The following SMARCA4 variants were observed in gnomAD, a reference collection of about 807,000 sequenced individuals.
SMARCA4 encodes the protein SWI/SNF-related matrix-associated actin-dependent regulator of chromatin subfamily A member 4.
Under a neutral mutation model 193.9 loss-of-function variants are expected in SMARCA4, and 31 were observed. The observed-to-expected ratio is 0.16, with a 90% CI of 0.12 to 0.22. The LOEUF is 0.22. Among genes scored for constraint, SMARCA4 ranks in the 10% least tolerant of loss-of-function variants. SMARCA4 has a pLI of 1.00. For synonymous variants in SMARCA4, 942 were observed against 933.1 expected (o/e 1.01, Z -0.17); for missense variants, 1,148 against 2,296.0 (o/e 0.50, Z 10.22).
At position 11,019,779 on chromosome 19, in the gene SMARCA4, GC is replaced by G. The variant is rs1438055403; in HGVS notation, c.2616+82del. 5.0e-6 allele frequency: 5 copies of G among 996,374 alleles called. No individual in the cohort carries two copies. The highest frequency in any genetic ancestry group is 4.7e-6 in the Non-Finnish European group (3 of 637,164). The allele number at this position is 996,374 out of a possible 1,614,324, so 61.7% of individuals were successfully genotyped here. A position where few individuals can be genotyped will look rare whatever the true frequency, so the allele number is the denominator to read the frequency against. On this transcript the variant is annotated intron_variant, in intron 18 of 34. Coordinates refer to ENST00000344626, the MANE Select transcript of SMARCA4 (RefSeq NM_003072.5). This position sits in a 1 kb window ranked among gnomAD's most constrained non-coding sequence, Gnocchi z 6.1. ...GGTCACGCTGCCCGTCTCCTCCAAAGCCCCTACAAGTTTCTTCCCGGAGTCC... is the reference window on the plus strand; with the variant it reads ...GGTCACGCTGCCCGTCTCCTCCAAAGCCCTACAAGTTTCTTCCCGGAGTCC...
chr19:11,008,197 A>ATT, intron 14 of SMARCA4, 174 bp downstream of exon 14: 1 of 657,402 alleles, frequency 1.5e-6, no homozygotes, highest in Non-Finnish European at 2.7e-6. Context: ...TTTTATAGGG[A>ATT]TTTAATAGAG....
At chr19:10,997,303 A>G (rs1480907986) in intron 11 of SMARCA4, among the ~76,000 whole-genome samples, 8 of 152,090 alleles carry the variant, frequency 5.3e-5, no homozygotes, top group Non-Finnish European at 1.0e-4. Context: ...GGTTCACGCC[A>G]TTCTCCTGCC....
chr19:11,036,688 A>G (rs2075289964), intron 29 of SMARCA4, among the ~76,000 whole-genome samples: 1 of 152,156 alleles, frequency 6.6e-6, no homozygotes. Context: ...GGTATATGAT[A>G]CAATCATCTT....
chr19:11,038,992 G>A (rs936427508), intron 29 of SMARCA4, among the ~76,000 whole-genome samples: 1 of 152,054 alleles, frequency 6.6e-6, no homozygotes, highest in African/African-American at 2.4e-5. Context: ...AAGCCAAAGC[G>A]GGGGGATCAT....
intron 6 of SMARCA4, 60 bp from the exon 7 acceptor site, chr19:10,989,257 G>C (rs766413557): frequency 6.2e-5 from 100 of 1,609,288 alleles, no homozygotes; most frequent in Non-Finnish European, 8.3e-5. Flanking sequence ...TGCAGCTCCA[G>C]CTGTAACTGG....
At chr19:11,025,975 G>A (rs1240859611) in intron 22 of SMARCA4, among the ~76,000 whole-genome samples, 5 of 152,218 alleles carry the variant, frequency 3.3e-5, no homozygotes, top group Non-Finnish European at 7.3e-5. Context: ...GGTCGTTGGA[G>A]ACCGCCTGCT....
chr19:11,021,349 C>G, intron 18 of SMARCA4: 1 of 371,600 alleles, frequency 2.7e-6, no homozygotes, highest in South Asian at 2.0e-5. Flanking sequence ...CTGAGACCCT[C>G]CACACCAGCA....
In SMARCA4 at chr19:10,984,186, C is replaced by T. The variant is rs1201812441; in HGVS notation, c.35C>T (p.Pro12Leu). ...STPDPPLGGT[P>L]RPGPSPGPGP... ...CCAGACCCACCCCTGGGCGGAACTCCTCGGCCAGGTCCTTCCCCGGGCCCT... is the reference window on the plus strand; with the variant it reads ...CCAGACCCACCCCTGGGCGGAACTCTTCGGCCAGGTCCTTCCCCGGGCCCT... The change falls in exon 2 of 35, where the codon CCT becomes CTT. Residue 12 changes from proline to leucine, a missense_variant. By Grantham distance (98) the Pro-to-Leu change is moderately conservative. Transcript: ENST00000344626. The surrounding 1 kb of genome is among the most constrained non-coding windows in gnomAD (Gnocchi z 4.3). The T allele has an allele frequency of 2.5e-6, 4 of 1,613,388 alleles. No homozygotes were observed. In the African/African-American group the frequency reaches 5.3e-5, roughly 22 times the overall value.
rs1178987728 is a variant in SMARCA4, at chr19:11,006,580, G to A, written c.2002-1322G>A. Among the ~76,000 whole-genome samples, 3 of 152,006 alleles carry A rather than the reference G, an allele frequency of 2.0e-5. No individual in the cohort carries two copies. In the South Asian group the frequency reaches 6.2e-4, roughly 32 times the overall value. On this transcript the variant is annotated intron_variant, in intron 13 of 34. Coordinates refer to ENST00000344626, the MANE Select transcript of SMARCA4 (RefSeq NM_003072.5). ...AGCCTGGCCAACATGATGAAACCCC[G>A]TCTCTACTAAAAAATACAAAAATTA...
intron 34 of SMARCA4, among the ~76,000 whole-genome samples, chr19:11,061,502 A>G (rs892037130): frequency 1.3e-5 from 2 of 152,044 alleles, no homozygotes; most frequent in Non-Finnish European, 2.9e-5. Flanking sequence ...CAGCCTCCCA[A>G]GTAGCTGGGA....
At chr19:11,008,263 A>G in intron 14 of SMARCA4, 1 of 458,124 alleles carries the variant, frequency 2.2e-6, no homozygotes, top group South Asian at 1.9e-5. Context: ...GGTGTGCGGG[A>G]GAAGCCCTCC....
intron 1 of SMARCA4, among the ~76,000 whole-genome samples, chr19:10,967,803 G>A (rs1386736778): frequency 6.6e-6 from 1 of 150,610 alleles, no homozygotes; most frequent in Non-Finnish European, 1.5e-5. Flanking sequence ...TCCTACCTCA[G>A]CCTCCTGAGT....
chr19:11,045,229 A>G (rs1600498875), intron 30 of SMARCA4, among the ~76,000 whole-genome samples: 1 of 152,022 alleles, frequency 6.6e-6, no homozygotes, highest in African/African-American at 2.4e-5. Flanking sequence ...CTGAGGCGGG[A>G]GAATGGCATG....
intron 29 of SMARCA4, among the ~76,000 whole-genome samples, chr19:11,036,755 C>T (rs2075293649): frequency 6.6e-6 from 1 of 152,126 alleles, no homozygotes; most frequent in African/African-American, 2.4e-5. Context: ...ACATTCTCAT[C>T]GCCCCCAAAA....
intron 9 of SMARCA4, chr19:10,995,654 C>T (rs2086968654): frequency 5.3e-6 from 2 of 376,886 alleles, no homozygotes; most frequent in Non-Finnish European, 1.1e-5. Flanking sequence ...TGGCAGGCAG[C>T]CATGTGCCAG....
chr19:11,006,844 G>C (rs1344256309), intron 13 of SMARCA4, among the ~76,000 whole-genome samples: 1 of 152,082 alleles, frequency 6.6e-6, no homozygotes, highest in Non-Finnish European at 1.5e-5. Context: ...CCAGCACTTT[G>C]GGAGGCTGAG....
chr19:11,010,300 C>T lies in SMARCA4; in HGVS notation c.2124-81C>T, dbSNP rs774481955. 64 of 1,504,984 alleles carry T rather than the reference C, an allele frequency of 4.3e-5. 1 individual carries two copies. The highest frequency in any genetic ancestry group is 1.4e-4 in the South Asian group (12 of 88,546). The allele number at this position is 1,504,984 out of a possible 1,614,324, so 93.2% of individuals were successfully genotyped here. ...GGTCATTCAGCAGAAAGGGCCACTC[C>T]GCAGAGCTTGTGTCAGGAGCCAGCA... On this transcript the variant is annotated intron_variant, in intron 14 of 34. Coordinates refer to ENST00000344626, the MANE Select transcript of SMARCA4 (RefSeq NM_003072.5).
At chr19:11,016,311 A>G (rs2089358126) in intron 16 of SMARCA4, among the ~76,000 whole-genome samples, 1 of 152,202 alleles carries the variant, frequency 6.6e-6, no homozygotes, top group South Asian at 2.1e-4. Context: ...GATGCCTCCC[A>G]CCAGGCCCCA....
chr19:11,042,892 T>C (rs1568531084), intron 30 of SMARCA4, among the ~76,000 whole-genome samples: 1 of 152,136 alleles, frequency 6.6e-6, no homozygotes, highest in Non-Finnish European at 1.5e-5. Flanking sequence ...GGAGAATCAC[T>C]TGAACCCAGG....
Sources: gnomAD v4.1 joint callset for allele counts (sites outside exome capture counted in the v4.1 genomes callset) on GRCh38, gnomAD v4.1.1 for gene constraint, Gnocchi (gnomAD v3.1) non-coding constraint, MANE v1.5 for transcripts, NCBI Gene and HGNC (gene_info 2026-07-23, HGNC 2026-07-21) for gene names.